Variants in LYSMD3 observed in about 807,000 individuals in gnomAD.
LYSMD3 encodes the protein LysM domain containing 3.
Under a neutral mutation model 26.1 loss-of-function variants are expected in LYSMD3, and 13 were observed. That is an observed-to-expected ratio of 0.50 (90% CI 0.32 to 0.79). The LOEUF (loss-of-function observed/expected upper bound fraction) is 0.79, where lower values mean the gene tolerates loss of function less well. Ranked by LOEUF, LYSMD3 falls within the 30% of genes least tolerant of loss-of-function variation. The pLI is 0.03. For synonymous variants in LYSMD3, 109 were observed against 119.4 expected, an observed-to-expected ratio of 0.91 and a Z score of 0.57; for missense variants, 331 against 362.5, an observed-to-expected ratio of 0.91 and a Z score of 0.71.
chr5:90,520,528 A>C (rs2151921001), intron 2 of LYSMD3: 1 of 456,220 alleles, frequency 2.2e-6, no homozygotes, highest in East Asian at 6.9e-5. Context: ...CTTGAGATAC[A>C]GAAGTGGAAG....
Position 90,519,126 on chromosome 5 carries a change from C to T in LYSMD3, c.614G>A (p.Arg205His), listed in dbSNP as rs762451880. The change falls in exon 3 of 3, where the codon CGT becomes CAT. Residue 205 changes from arginine to histidine, a missense_variant. Physicochemically the swap from Arg to His is conservative, Grantham distance 29 (BLOSUM62 0). This residue lies in a region of LYSMD3 where 262 missense variants were observed against 267.3 expected (regional missense o/e 0.98). Coordinates refer to ENST00000315948, the MANE Select transcript of LYSMD3 (RefSeq NM_198273.2). ...RFEPDNKNTQ[R>H]KDPYYGADWG... is the part of the protein sequence containing the mutation. ...GTCTGCTCCATAATAGGGGTCTTTACGTTGAGTGTTTTTGTTATCAGGTTC... is the reference window on the plus strand; with the variant it reads ...GTCTGCTCCATAATAGGGGTCTTTATGTTGAGTGTTTTTGTTATCAGGTTC... 4.3e-6 allele frequency: 7 copies of T among 1,614,110 alleles called. No homozygotes were observed. The highest frequency in any genetic ancestry group is 3.4e-6 in the Non-Finnish European group (4 of 1,179,988).
chr5:90,518,628 T>A lies in LYSMD3; in HGVS notation c.*191A>T. The A allele has an allele frequency of 2.0e-6, 1 of 492,238 alleles. No individual in the cohort carries two copies. The highest frequency in any genetic ancestry group is 4.4e-5 in the South Asian group (1 of 22,664). 30.5% of individuals were successfully genotyped at this position (492,238 alleles called of 1,614,324 possible). A position where few individuals can be genotyped will look rare whatever the true frequency, so the allele number is the denominator to read the frequency against. On this transcript the variant is annotated 3_prime_UTR_variant, in exon 3 of 3. Transcript: ENST00000315948. The stretch of plus-strand genomic sequence containing the variant: ...TGCTTGAAACATTCACACACCAGAT[T>A]TATGGATCAACTGCTCTCAACATCA...
intron 1 of LYSMD3, 72 bp from the exon 2 acceptor site, chr5:90,525,372 C>T (rs1753199093): frequency 7.5e-7 from 1 of 1,325,816 alleles, no homozygotes; most frequent in Middle Eastern, 1.9e-4. Context: ...ATGCATCGTA[C>T]ATTCAGGACA....
In LYSMD3 at chr5:90,516,420, A is replaced by G. The variant is rs1160920169; in HGVS notation, c.*2399T>C. On this transcript the variant is annotated 3_prime_UTR_variant, in exon 3 of 3. Transcript: ENST00000315948. Reference sequence around the variant, plus strand: ...CAAGTACATGCGTGCACACATGCAGACACACACACAGACACACATGTAAAG... The same window carrying G: ...CAAGTACATGCGTGCACACATGCAGGCACACACACAGACACACATGTAAAG... 1 of 152,054 alleles carries G rather than the reference A, an allele frequency of 6.6e-6. No homozygotes were observed. Among genetic ancestry groups the G allele is most frequent in the African/African-American group, 2.4e-5 (1 of 41,458 alleles). 9.4% of individuals were successfully genotyped at this position (152,054 alleles called of 1,614,324 possible). A position where few individuals can be genotyped will look rare whatever the true frequency, so the allele number is the denominator to read the frequency against.
intron 2 of LYSMD3, chr5:90,520,598 C>G: frequency 2.3e-6 from 1 of 429,272 alleles, no homozygotes; most frequent in South Asian, 1.7e-5. Flanking sequence ...CGGCTAGAGA[C>G]ACAGATTTAT....
At position 90,525,068 on chromosome 5, in the gene LYSMD3, T is replaced by C. The variant is rs1753186377; in HGVS notation, c.222A>G (p.Thr74=). ...AGTACTGAAGGGCTATTGCATTTAA[T>C]GTATCTCCTTCTTGTATATCTTTTG... is the stretch of plus-strand genomic sequence containing the variant. ...VLTKDIQEGD[T]LNAIALQYCC... The change falls in exon 2 of 3, where the codon ACA becomes ACG. Residue 74 remains threonine (T), a synonymous_variant. Transcript: ENST00000315948. 1.2e-6 allele frequency: 2 copies of C among 1,611,600 alleles called. No homozygotes were observed. Among genetic ancestry groups the C allele is most frequent in the African/African-American group, 2.7e-5 (2 of 74,864 alleles).
In LYSMD3 at chr5:90,515,892, T is replaced by C. The variant is rs1752933552; in HGVS notation, c.*2927A>G. 6.6e-6 allele frequency: 1 copy of C among 152,174 alleles called. No homozygotes were observed. The highest frequency in any genetic ancestry group is 2.1e-4 in the South Asian group (1 of 4,836). 9.4% of individuals were successfully genotyped at this position (152,174 alleles called of 1,614,324 possible). On this transcript the variant is annotated 3_prime_UTR_variant, in exon 3 of 3. Coordinates refer to ENST00000315948, the MANE Select transcript of LYSMD3 (RefSeq NM_198273.2). ...GATTACCTGAGCAACATTTTTGTAA[T>C]GCAAATTAAAAATGAATCCATCAGT...
chr5:90,519,619 A>T (rs1441543025), intron 2 of LYSMD3, 135 bp from the exon 3 acceptor site: 6 of 830,068 alleles, frequency 7.2e-6, no homozygotes, highest in Admixed American at 3.0e-5. Context: ...ACCCAGAGAA[A>T]TTTTAATTTT....
At chr5:90,520,094 T>C (rs77045358) in intron 2 of LYSMD3, among the ~76,000 whole-genome samples, 1,647 of 152,312 alleles carry the variant, frequency 0.011, 33 homozygotes, top group East Asian at 0.057. Flanking sequence ...TCTGAAGCCA[T>C]TTCCCTCCCA....
chr5:90,519,572 GA>G (rs1049803742), intron 2 of LYSMD3, 88 bp from the exon 3 acceptor site: 232 of 1,302,740 alleles, frequency 1.8e-4, no homozygotes, highest in Admixed American at 2.6e-4. Flanking sequence ...ACTTTTGGAG[GA>G]AAAAAAAAGT....
At chr5:90,522,753 C>T (rs1056041961) in intron 2 of LYSMD3, among the ~76,000 whole-genome samples, 4 of 150,230 alleles carry the variant, frequency 2.7e-5, no homozygotes, top group Non-Finnish European at 5.9e-5. Context: ...TCCATAGTGT[C>T]TCAAAGCATT....
intron 1 of LYSMD3, among the ~76,000 whole-genome samples, chr5:90,526,036 C>T (rs572895075): frequency 1.3e-5 from 2 of 152,160 alleles, no homozygotes; most frequent in Admixed American, 6.5e-5. Context: ...AAACTTGTGA[C>T]TATATAACTT....
At chr5:90,528,782 C>G (rs1377498664) in intron 1 of LYSMD3, among the ~76,000 whole-genome samples, 1 of 152,178 alleles carries the variant, frequency 6.6e-6, no homozygotes, top group African/African-American at 2.4e-5. Context: ...ACCTAGATTA[C>G]GAGGGGCCAC....
intron 2 of LYSMD3, among the ~76,000 whole-genome samples, chr5:90,522,010 A>G (rs1020205563): frequency 3.0e-5 from 3 of 100,568 alleles, no homozygotes; most frequent in Non-Finnish European, 6.4e-5. Flanking sequence ...AATTCTGTTC[A>G]TCCCTTTCCC....
In LYSMD3 at chr5:90,529,508, T is replaced by C. The variant is rs1338864903; in HGVS notation, c.-72A>G. The C allele has an allele frequency of 2.2e-6, 1 of 456,438 alleles. No homozygotes were observed. Among genetic ancestry groups the C allele is most frequent in the East Asian group, 7.0e-5 (1 of 14,368 alleles). The allele number at this position is 456,438 out of a possible 1,614,324, so 28.3% of individuals were successfully genotyped here. On this transcript the variant is annotated 5_prime_UTR_variant, in exon 1 of 3. Coordinates refer to ENST00000315948, the MANE Select transcript of LYSMD3 (RefSeq NM_198273.2). ...TGGCCAAAAGGTCCGCCGCCGCCGC[T>C]GTCCCGGGTAAGTTCATGGCCGAGC...
rs1580230062 is a variant in LYSMD3, at chr5:90,518,587, C to T, written c.*232G>A. ...CCAAGTTAAGTACTTCCTAAACACA[C>T]ATTTAAATTAATTTCTGCTTGAAAC... On this transcript the variant is annotated 3_prime_UTR_variant, in exon 3 of 3. Coordinates refer to ENST00000315948, the MANE Select transcript of LYSMD3 (RefSeq NM_198273.2). 2 of 420,376 alleles carry T rather than the reference C, an allele frequency of 4.8e-6. No individual in the cohort carries two copies. Among genetic ancestry groups the T allele is most frequent in the Non-Finnish European group, 4.2e-6 (1 of 237,938 alleles). The allele number at this position is 420,376 out of a possible 1,614,324, so 26.0% of individuals were successfully genotyped here.
intron 1 of LYSMD3, 140 bp from the exon 2 acceptor site, chr5:90,525,440 GTTTT>G (rs967243578): frequency 2.8e-5 from 25 of 887,526 alleles, no homozygotes; most frequent in Middle Eastern, 4.5e-4. Context: ...GTTTAAGTTC[GTTTT>G]TTTGTTTTGT....
intron 2 of LYSMD3, 109 bp from the exon 3 acceptor site, chr5:90,519,593 A>G: frequency 9.5e-7 from 1 of 1,053,892 alleles, no homozygotes; most frequent in Non-Finnish European, 1.3e-6. Flanking sequence ...TTGAATTATT[A>G]GTAGTATTAA....
chr5:90,519,081 G>A lies in LYSMD3; in HGVS notation c.659C>T (p.Thr220Ile), dbSNP rs748129666. Residue 220 changes from threonine (T) to isoleucine (I), a missense_variant, in exon 3 of 3, where the codon ACA (threonine) becomes ATA (isoleucine). Physicochemically the swap from Thr to Ile is moderately conservative, Grantham distance 89. This residue lies in a region of LYSMD3 where 262 missense variants were observed against 267.3 expected (regional missense o/e 0.98). Coordinates refer to ENST00000315948, the MANE Select transcript of LYSMD3 (RefSeq NM_198273.2). ...TACTATCAACATTATCACTACAGCT[G>A]TCCACCACCCTATTCCCCAGTCTGC... ...YGADWGIGWW[T>I]AVVIMLIVGI... 9 of 1,613,948 alleles carry A rather than the reference G, an allele frequency of 5.6e-6. No individual in the cohort carries two copies. The East Asian group carries it at 1.8e-4, about 32-fold the overall frequency.
Sources: allele counts gnomAD v4.1 joint callset (sites outside exome capture counted in the v4.1 genomes callset), GRCh38; gene constraint gnomAD v4.1.1; regional missense constraint gnomAD v4.1.1; transcripts MANE v1.5; gene names NCBI Gene and HGNC (gene_info 2026-07-23, HGNC 2026-07-21).